Variants in PCNX1 observed in about 807,000 individuals in gnomAD.
PCNX1 encodes pecanex 1.
PCNX1 carries 78 observed loss-of-function variants against 242.2 expected under a neutral mutation model. That is an observed-to-expected ratio of 0.32 (90% CI 0.27 to 0.39). PCNX1 has a LOEUF of 0.39. PCNX1 is among the 10% of genes least tolerant of loss of function. PCNX1 has a pLI of 1.00. For synonymous variants in PCNX1, 1,024 were observed against 1,032.9 expected, an observed-to-expected ratio of 0.99 and a Z score of 0.17; for missense variants, 2,581 against 2,856.5, an observed-to-expected ratio of 0.90 and a Z score of 2.20.
Position 71,089,220 on chromosome 14 carries a change from C to T in PCNX1, c.5467C>T (p.His1823Tyr). Residue 1823 changes from histidine (H) to tyrosine (Y), a missense_variant, in exon 30 of 36, where the codon CAT (histidine) becomes TAT (tyrosine). His to Tyr is a moderately conservative substitution (Grantham distance 83). Transcript: ENST00000304743. Reference sequence around the variant, plus strand: ...TTTAGAGTCATTCCTCTATGGATTGCATGCCCTATTTAAAGGAGATTTCCG... The same window carrying T: ...TTTAGAGTCATTCCTCTATGGATTGTATGCCCTATTTAAAGGAGATTTCCG... ...SNLESFLYGLHALFKGDFRIS... is the reference protein window; with the variant it reads ...SNLESFLYGLYALFKGDFRIS... 2 of 1,610,550 alleles carry T rather than the reference C, an allele frequency of 1.2e-6. No homozygotes were observed. Among genetic ancestry groups the T allele is most frequent in the South Asian group, 2.2e-5 (2 of 90,844 alleles).
At position 70,989,780 on chromosome 14, in the gene PCNX1, C is replaced by A. The variant is rs149708431; in HGVS notation, c.2444+1081C>A. ...CTCCTGACCTCAAGTAATCTGCCTG[C>A]CTTGGCCTCGCAAAGTGCTGGAATT... On this transcript the variant is annotated intron_variant, in intron 7 of 35. Transcript: ENST00000304743. Among the ~76,000 whole-genome samples, 503 of 152,184 alleles carry A rather than the reference C, an allele frequency of 3.3e-3. 4 individuals carry two copies. The highest frequency in any genetic ancestry group is 0.02 in the Middle Eastern group (6 of 294).
At chr14:70,992,706 CTACCT>C (rs1270245584) in intron 7 of PCNX1, among the ~76,000 whole-genome samples, 1 of 152,168 alleles carries the variant, frequency 6.6e-6, no homozygotes, top group Non-Finnish European at 1.5e-5. Context: ...ACCTAAATTT[CTACCT>C]TTTCTTTTGC....
chr14:70,949,137 C>T (rs2057623154), intron 2 of PCNX1, among the ~76,000 whole-genome samples: 2 of 111,350 alleles, frequency 1.8e-5, no homozygotes, highest in African/African-American at 2.9e-5. Context: ...TGTACATATA[C>T]ACATATGTAT....
intron 6 of PCNX1, among the ~76,000 whole-genome samples, chr14:70,986,879 T>C (rs765774488): frequency 3.9e-5 from 6 of 152,244 alleles, no homozygotes; most frequent in Non-Finnish European, 8.8e-5. Context: ...AACTGTAGAA[T>C]AGAAATCTTT....
intron 30 of PCNX1, 76 bp from the exon 31 acceptor site, chr14:71,101,914 C>A: frequency 1.3e-6 from 1 of 757,454 alleles, no homozygotes; most frequent in Admixed American, 3.2e-5. Flanking sequence ...TTTTTAAGAA[C>A]TTTCACTTAG....
At chr14:71,038,745 T>C (rs997853752) in intron 19 of PCNX1, among the ~76,000 whole-genome samples, 1 of 152,078 alleles carries the variant, frequency 6.6e-6, no homozygotes, top group African/African-American at 2.4e-5. Context: ...GGACTATAAA[T>C]CATGCTGCTA....
chr14:70,964,194 G>A (rs113663974), intron 3 of PCNX1, among the ~76,000 whole-genome samples: 4,287 of 152,168 alleles, frequency 0.028, 176 homozygotes, highest in African/African-American at 0.097. Flanking sequence ...AGCCTCCTAA[G>A]TAGCTGGGAT....
chr14:71,107,097 G>T (rs1295392942), intron 33 of PCNX1, among the ~76,000 whole-genome samples: 2 of 152,078 alleles, frequency 1.3e-5, no homozygotes, highest in Non-Finnish European at 2.9e-5. Flanking sequence ...GTGTGCAGAA[G>T]GAATCAGGTC....
intron 32 of PCNX1, 38 bp from the exon 33 acceptor site, chr14:71,105,197 C>G (rs1252571548): frequency 8.0e-6 from 12 of 1,491,240 alleles, no homozygotes; most frequent in Non-Finnish European, 1.1e-5. Context: ...TTGAAGTGAT[C>G]TTGGAATAAT....
At chr14:70,942,706 T>C (rs2057302684) in intron 1 of PCNX1, among the ~76,000 whole-genome samples, 1 of 152,206 alleles carries the variant, frequency 6.6e-6, no homozygotes, top group South Asian at 2.1e-4. Flanking sequence ...GAAACCTCCA[T>C]GTGTTAGGTA....
intron 1 of PCNX1, among the ~76,000 whole-genome samples, chr14:70,933,847 A>C (rs1360375924): frequency 6.6e-6 from 1 of 152,224 alleles, no homozygotes; most frequent in East Asian, 1.9e-4. Flanking sequence ...TGTTAGATTT[A>C]ATTGATAATC....
intron 1 of PCNX1, among the ~76,000 whole-genome samples, chr14:70,910,064 CCCTCCTCCTCCTCCTCCTCCTCCT>C (rs2055779155): frequency 3.6e-4 from 1 of 2,772 alleles, no homozygotes; most frequent in African/African-American, 1.5e-3. Flanking sequence ...CTCCTCCTCC[CCCTCCTCCTCCTCCTCCTCCTCCT>C]CCTCCTCCCC....
chr14:70,960,891 ATCATGAATGAACTCCCAT>A (rs2058186120), intron 2 of PCNX1, among the ~76,000 whole-genome samples: 1 of 152,188 alleles, frequency 6.6e-6, no homozygotes, highest in African/African-American at 2.4e-5. Context: ...AGAGAGCCAA[ATCATGAATGAACTCCCAT>A]TCACAATTGC....
At chr14:71,066,182 G>A (rs1462612520) in intron 26 of PCNX1, among the ~76,000 whole-genome samples, 1 of 152,138 alleles carries the variant, frequency 6.6e-6, no homozygotes. Flanking sequence ...GGATAGCATT[G>A]AATCTATAAA....
intron 1 of PCNX1, among the ~76,000 whole-genome samples, chr14:70,923,507 T>C (rs1462135592): frequency 6.6e-6 from 1 of 152,204 alleles, no homozygotes; most frequent in African/African-American, 2.4e-5. Context: ...GTTGCCGTTT[T>C]CTACCTGCAC....
At chr14:71,047,140 C>G in intron 21 of PCNX1, 35 bp downstream of exon 21, 1 of 1,276,496 alleles carries the variant, frequency 7.8e-7, no homozygotes, top group Non-Finnish European at 1.1e-6. Context: ...TGTCTGACTA[C>G]TGGGGGCTGT....
At position 70,932,812 on chromosome 14, in the gene PCNX1, A is replaced by G. The variant is rs1031534245; in HGVS notation, c.154-14103A>G. Among the ~76,000 whole-genome samples the G allele has an allele frequency of 3.3e-5, 5 of 151,762 alleles. No homozygotes were observed. In the South Asian group the frequency reaches 6.2e-4, roughly 19 times the overall value. On this transcript the variant is annotated intron_variant, in intron 1 of 35. Transcript: ENST00000304743. ...TTTTTAGTAGAGACGGGGTTTCACC[A>G]TGTTGGTCAGGCTGGTCTCGAACTC...
chr14:70,966,636 C>T lies in PCNX1; in HGVS notation c.469-1562C>T, dbSNP rs1300067643. On this transcript the variant is annotated intron_variant, in intron 3 of 35. Coordinates refer to ENST00000304743, the MANE Select transcript of PCNX1 (RefSeq NM_014982.3). ...TCTCATATATCAGAAGGTGTATGAC[C>T]AATTTTGGAACAAAATAGGGAGATT... is the stretch of plus-strand genomic sequence containing the variant. 3.3e-5 allele frequency among the ~76,000 whole-genome samples: 5 copies of T among 152,092 alleles called. No individual in the cohort carries two copies. In the East Asian group the frequency reaches 9.6e-4, roughly 29 times the overall value.
chr14:70,976,895 C>T (rs769826451), intron 5 of PCNX1, 47 bp from the exon 6 acceptor site: 4 of 1,507,770 alleles, frequency 2.7e-6, no homozygotes, highest in Non-Finnish European at 3.6e-6. Context: ...AGTAGAAAAG[C>T]AGATCATACA....
Sources: allele counts gnomAD v4.1 joint callset (sites outside exome capture counted in the v4.1 genomes callset), GRCh38; gene constraint gnomAD v4.1.1; transcripts MANE v1.5; gene names NCBI Gene and HGNC (gene_info 2026-07-23, HGNC 2026-07-21).